CAMKMT: variants seen among roughly 807,000 people sequenced by gnomAD.
CAMKMT encodes CaM KMT.
CAMKMT carries 53 observed loss-of-function variants against 48.0 expected under a neutral mutation model. The ratio of observed to expected loss-of-function variants is 1.10; its 90% confidence interval spans 0.89 to 1.39. The LOEUF (loss-of-function observed/expected upper bound fraction) is 1.39, where lower values mean the gene tolerates loss of function less well. CAMKMT is among the 40% of genes most tolerant of loss of function. The probability of loss-of-function intolerance (pLI) is 0.00; values close to 1 mark genes in which losing one functional copy is unlikely to be tolerated. For synonymous variants in CAMKMT, 165 were observed against 152.3 expected, an observed-to-expected ratio of 1.08 and a Z score of -0.61; for missense variants, 428 against 402.7, an observed-to-expected ratio of 1.06 and a Z score of -0.54.
chr2:44,578,812 G>A (rs1361572593), intron 3 of CAMKMT, among the ~76,000 whole-genome samples: 1 of 152,152 alleles, frequency 6.6e-6, no homozygotes, highest in Non-Finnish European at 1.5e-5. Flanking sequence ...GTTAGAAGAA[G>A]TTGAAGACCA....
intron 7 of CAMKMT, among the ~76,000 whole-genome samples, chr2:44,721,172 C>G (rs1172407555): frequency 6.6e-6 from 1 of 152,014 alleles, no homozygotes; most frequent in East Asian, 1.9e-4. Context: ...TAAAAATATC[C>G]ACCATGATTA....
At position 44,645,215 on chromosome 2, in the gene CAMKMT, G is replaced by C. The variant is rs1045609787; in HGVS notation, c.377-59068G>C. Among the ~76,000 whole-genome samples, 8 of 152,318 alleles carry C rather than the reference G, an allele frequency of 5.3e-5. No homozygotes were observed. The East Asian group carries it at 1.5e-3, about 29-fold the overall frequency. ...AAAAGCAGAAGGAAACAAGAATAAT[G>C]TAACCATTAGCTAAACATGAAATTT... On this transcript the variant is annotated intron_variant, in intron 3 of 10. Coordinates refer to ENST00000378494, the MANE Select transcript of CAMKMT (RefSeq NM_024766.5).
chr2:44,506,687 T>A (rs6747088), intron 3 of CAMKMT, among the ~76,000 whole-genome samples: 2,057 of 152,276 alleles, frequency 0.014, 58 homozygotes, highest in African/African-American at 0.047. Context: ...ATGAGACATT[T>A]CACATAGTAT....
chr2:44,427,006 GAAAT>G (rs1684320050), intron 3 of CAMKMT, among the ~76,000 whole-genome samples: 10 of 152,122 alleles, frequency 6.6e-5, no homozygotes, highest in Admixed American at 6.5e-4. Context: ...AGAGAATCCT[GAAAT>G]AAAGCCATAT....
chr2:44,617,519 T>C (rs1161926978), intron 3 of CAMKMT, among the ~76,000 whole-genome samples: 1 of 152,216 alleles, frequency 6.6e-6, no homozygotes, highest in Non-Finnish European at 1.5e-5. Flanking sequence ...GTAAATTATT[T>C]TGGAATAATT....
chr2:44,608,446 AC>A (rs1671421523), intron 3 of CAMKMT, among the ~76,000 whole-genome samples: 1 of 152,140 alleles, frequency 6.6e-6, no homozygotes, highest in African/African-American at 2.4e-5. Flanking sequence ...TTTATGGGGC[AC>A]CTATTGACAT....
intron 3 of CAMKMT, among the ~76,000 whole-genome samples, chr2:44,490,175 A>G (rs936919834): frequency 2.6e-5 from 4 of 152,226 alleles, no homozygotes; most frequent in African/African-American, 9.6e-5. Flanking sequence ...GACTTTTACA[A>G]TAGTTAGGTA....
chr2:44,388,931 C>G (rs115046912), intron 2 of CAMKMT, among the ~76,000 whole-genome samples: 1 of 152,018 alleles, frequency 6.6e-6, no homozygotes, highest in Non-Finnish European at 1.5e-5. Context: ...CAATGGAGTC[C>G]GTGAGGGTTC....
intron 8 of CAMKMT, among the ~76,000 whole-genome samples, chr2:44,751,263 C>T (rs1202752870): frequency 6.6e-6 from 1 of 152,178 alleles, no homozygotes; most frequent in Non-Finnish European, 1.5e-5. Context: ...CCAGTCAGTG[C>T]TCTCTTCCGT....
chr2:44,559,292 T>A (rs1430008941), intron 3 of CAMKMT, among the ~76,000 whole-genome samples: 1 of 152,172 alleles, frequency 6.6e-6, no homozygotes, highest in African/African-American at 2.4e-5. Context: ...AGAGCATCTG[T>A]CACAGACTTG....
intron 3 of CAMKMT, among the ~76,000 whole-genome samples, chr2:44,584,581 C>T (rs1027966629): frequency 1.3e-5 from 2 of 152,132 alleles, no homozygotes; most frequent in African/African-American, 2.4e-5. Context: ...GGGCTACTTA[C>T]AGAATGCAAC....
intron 3 of CAMKMT, among the ~76,000 whole-genome samples, chr2:44,550,373 G>T (rs1050484407): frequency 6.6e-6 from 1 of 150,768 alleles, no homozygotes; most frequent in East Asian, 1.9e-4. Flanking sequence ...CTGGGTGACA[G>T]AGTGAGACTC....
chr2:44,637,979 C>A (rs1455490545), intron 3 of CAMKMT, among the ~76,000 whole-genome samples: 2 of 149,172 alleles, frequency 1.3e-5, no homozygotes, highest in African/African-American at 2.5e-5. Flanking sequence ...GCAGGAGAAT[C>A]GCTTGAACTC....
rs1200190437 is a variant in CAMKMT at position 44,660,766 on chromosome 2, C to T, written c.377-43517C>T. Among the ~76,000 whole-genome samples, 4 of 152,080 alleles carry T rather than the reference C, an allele frequency of 2.6e-5. No individual in the cohort carries two copies. In the East Asian group the frequency reaches 5.8e-4, roughly 22 times the overall value. On this transcript the variant is annotated intron_variant, in intron 3 of 10. Transcript: ENST00000378494. Reference sequence around the variant, plus strand: ...GGGACTATGGGCACACACTACCATGCCTGGCAAATGTTTTGTGTATTTTGT... The same window carrying T: ...GGGACTATGGGCACACACTACCATGTCTGGCAAATGTTTTGTGTATTTTGT...
chr2:44,514,416 G>A (rs565043915), intron 3 of CAMKMT, among the ~76,000 whole-genome samples: 3 of 152,168 alleles, frequency 2.0e-5, no homozygotes, highest in African/African-American at 2.4e-5. Flanking sequence ...AGAGTGTCTC[G>A]AGTTTGCCCA....
chr2:44,526,702 T>G (rs60505828), intron 3 of CAMKMT, among the ~76,000 whole-genome samples: 3,155 of 152,282 alleles, frequency 0.021, 91 homozygotes, highest in African/African-American at 0.066. Context: ...CCACCTACAC[T>G]GGCAAGGGCG....
intron 3 of CAMKMT, among the ~76,000 whole-genome samples, chr2:44,443,649 AG>A (rs1157456937): frequency 3.9e-5 from 6 of 152,198 alleles, no homozygotes; most frequent in Admixed American, 1.3e-4. Flanking sequence ...AAGCCAGAGA[AG>A]AATAAAGGTT....
Position 44,574,916 on chromosome 2 carries a change from T to G in CAMKMT, c.377-129367T>G, listed in dbSNP as rs1669129873. ...CCACCACGCCCAGCTAACTGGCTAT[T>G]TTTTCGTTTTTGTATTTTTAGTAGA... On this transcript the variant is annotated intron_variant, in intron 3 of 10. Transcript: ENST00000378494. Among the ~76,000 whole-genome samples the G allele has an allele frequency of 2.0e-5, 3 of 151,468 alleles. No homozygotes were observed. The South Asian group carries it at 6.3e-4, about 32-fold the overall frequency.
intron 1 of CAMKMT, among the ~76,000 whole-genome samples, chr2:44,366,852 G>T (rs902952468): frequency 1.3e-5 from 2 of 151,998 alleles, no homozygotes; most frequent in Non-Finnish European, 2.9e-5. Flanking sequence ...CTTCTGAGTA[G>T]CTGGGACTAC....
Sources: allele counts gnomAD v4.1 joint callset (sites outside exome capture counted in the v4.1 genomes callset), GRCh38; gene constraint gnomAD v4.1.1; transcripts MANE v1.5; gene names NCBI Gene and HGNC (gene_info 2026-07-23, HGNC 2026-07-21).